Variants in WDR20 observed in about 807,000 individuals in gnomAD.
WDR20 encodes WD repeat-containing protein 20.
In WDR20, 3 loss-of-function variants were observed where a neutral mutation model predicts 38.7. That is an observed-to-expected ratio of 0.08 (90% CI 0.04 to 0.20). The LOEUF (loss-of-function observed/expected upper bound fraction) is 0.20, where lower values mean the gene tolerates loss of function less well. WDR20 is among the 10% of genes least tolerant of loss of function. WDR20 has a pLI of 1.00. For synonymous variants in WDR20, 298 were observed against 285.6 expected (o/e 1.04, Z -0.44); for missense variants, 559 against 727.7 (o/e 0.77, Z 2.67).
chr14:102,214,144 C>T (rs1304603358), downstream of WDR20: 4 of 985,486 alleles, frequency 4.1e-6, no homozygotes, highest in Admixed American at 6.1e-5. Flanking sequence ...CCTCCACATG[C>T]GTGGGTAGGG....
chr14:102,139,743 C>T, upstream of WDR20: 3 of 912,554 alleles, frequency 3.3e-6, no homozygotes, highest in Non-Finnish European at 4.8e-6. Flanking sequence ...AGCACGCCTG[C>T]GCAGTCGGGC....
At chr14:102,202,742 ATATT>A (rs1228352421) in intron 2 of WDR20, among the ~76,000 whole-genome samples, 1 of 149,684 alleles carries the variant, frequency 6.7e-6, no homozygotes, top group African/African-American at 2.5e-5. Flanking sequence ...TTCCTTGGAG[ATATT>A]TATTTATTTA....
intron 1 of WDR20, among the ~76,000 whole-genome samples, chr14:102,140,668 C>T (rs2050663474): frequency 6.6e-6 from 1 of 152,136 alleles, no homozygotes; most frequent in Non-Finnish European, 1.5e-5. Flanking sequence ...CAGAAAGAAC[C>T]TGCTCGGCAC....
chr14:102,144,137 A>C (rs1487019246), intron 1 of WDR20, among the ~76,000 whole-genome samples: 1 of 152,106 alleles, frequency 6.6e-6, no homozygotes, highest in African/African-American at 2.4e-5. Context: ...TGATTGTGCC[A>C]CTGTACCCCA....
chr14:102,151,518 C>A lies in WDR20; in HGVS notation c.249+11346C>A, dbSNP rs112669491. Among the ~76,000 whole-genome samples the A allele has an allele frequency of 8.1e-3, 1,227 of 151,634 alleles. 7 individuals are homozygous for A. The highest frequency in any genetic ancestry group is 0.014 in the Middle Eastern group (4 of 294). Reference sequence around the variant, plus strand: ...TGAAGCCATCCTCCCACCTTAGCCTCCCATGTAGCTGGGACTACAGGTGTG... The same window carrying A: ...TGAAGCCATCCTCCCACCTTAGCCTACCATGTAGCTGGGACTACAGGTGTG... On this transcript the variant is annotated intron_variant, in intron 1 of 2. Coordinates refer to ENST00000342702, the MANE Select transcript of WDR20 (RefSeq NM_144574.4).
intron 1 of WDR20, among the ~76,000 whole-genome samples, chr14:102,190,286 G>T (rs1327420827): frequency 1.3e-5 from 2 of 152,164 alleles, no homozygotes; most frequent in East Asian, 1.9e-4. Flanking sequence ...TAGGCCAGGC[G>T]CAGTGGCTCA....
intron 1 of WDR20, among the ~76,000 whole-genome samples, chr14:102,191,752 T>C (rs1203178290): frequency 1.3e-5 from 2 of 152,086 alleles, no homozygotes; most frequent in African/African-American, 4.8e-5. Flanking sequence ...TGGAAAGGGA[T>C]TGGGGAGGGA....
chr14:102,193,064 G>A (rs998684747), intron 1 of WDR20, among the ~76,000 whole-genome samples: 3 of 149,162 alleles, frequency 2.0e-5, no homozygotes, highest in Admixed American at 6.7e-5. Context: ...TTAATTGTTC[G>A]TATTTCAAAT....
At chr14:102,162,985 T>C (rs1313931921) in intron 1 of WDR20, among the ~76,000 whole-genome samples, 2 of 152,168 alleles carry the variant, frequency 1.3e-5, no homozygotes, top group Non-Finnish European at 2.9e-5. Flanking sequence ...AGACAGAGGC[T>C]TGCTAGCCCT....
chr14:102,205,773 C>T (rs996758687), intron 2 of WDR20, among the ~76,000 whole-genome samples: 22 of 151,780 alleles, frequency 1.4e-4, no homozygotes, highest in Admixed American at 1.2e-3. Flanking sequence ...AGTGAGAAAC[C>T]CTTACCACAA....
chr14:102,193,636 A>G, intron 1 of WDR20: 1 of 859,124 alleles, frequency 1.2e-6, no homozygotes, highest in Non-Finnish European at 1.7e-6. Flanking sequence ...GTTTGCTCAA[A>G]GACGCCTGTA....
intron 1 of WDR20, among the ~76,000 whole-genome samples, chr14:102,179,965 C>A (rs1197042704): frequency 3.3e-5 from 5 of 152,074 alleles, no homozygotes; most frequent in Non-Finnish European, 7.4e-5. Flanking sequence ...CCAGCCTGAC[C>A]AACATGGTGA....
chr14:102,162,860 C>T (rs937722309), intron 1 of WDR20, among the ~76,000 whole-genome samples: 18 of 152,140 alleles, frequency 1.2e-4, no homozygotes, highest in African/African-American at 4.1e-4. Context: ...TATCTGCCTG[C>T]CTCAGCCTCC....
Position 102,153,652 on chromosome 14 carries a change from A to T in WDR20, c.249+13480A>T, listed in dbSNP as rs533672717. On this transcript the variant is annotated intron_variant, in intron 1 of 2. Coordinates refer to ENST00000342702, the MANE Select transcript of WDR20 (RefSeq NM_144574.4). ...CCAGTCTCAGGTATTTCCTTGTAGC[A>T]ATGGAAGAACAGCCTAATACACTGC... Among the ~76,000 whole-genome samples, 78 of 152,266 alleles carry T rather than the reference A, an allele frequency of 5.1e-4. No individual in the cohort carries two copies. The Middle Eastern group carries it at 0.014, about 27-fold the overall frequency.
intron 1 of WDR20, among the ~76,000 whole-genome samples, chr14:102,175,976 A>G (rs974546691): frequency 6.6e-6 from 1 of 152,166 alleles, no homozygotes; most frequent in African/African-American, 2.4e-5. Flanking sequence ...TTTTCTAGGT[A>G]TATGATTATA....
downstream of WDR20, chr14:102,210,652 C>A: frequency 1.9e-6 from 1 of 534,830 alleles, no homozygotes; most frequent in Non-Finnish European, 2.4e-6. Context: ...CCTCTTGCCA[C>A]ATAAGCGAAG....
intron 1 of WDR20, among the ~76,000 whole-genome samples, chr14:102,185,554 G>A (rs1235433411): frequency 1.3e-5 from 2 of 152,064 alleles, no homozygotes; most frequent in Non-Finnish European, 2.9e-5. Context: ...TCCTCTGGGC[G>A]GCTGATTCTA....
At chr14:102,146,043 T>C (rs900892745) in intron 1 of WDR20, among the ~76,000 whole-genome samples, 6 of 152,094 alleles carry the variant, frequency 3.9e-5, no homozygotes, top group African/African-American at 1.4e-4. Context: ...GGAGGTATCT[T>C]CATCTCTTTG....
At chr14:102,188,059 T>C (rs945875993) in intron 1 of WDR20, among the ~76,000 whole-genome samples, 6 of 152,150 alleles carry the variant, frequency 3.9e-5, no homozygotes, top group African/African-American at 1.4e-4. Flanking sequence ...GATGTGAAAT[T>C]TAGGGAAAAT....
Sources: gnomAD v4.1 joint callset for allele counts (sites outside exome capture counted in the v4.1 genomes callset) on GRCh38, gnomAD v4.1.1 for gene constraint, MANE v1.5 for transcripts, NCBI Gene and HGNC (gene_info 2026-07-23, HGNC 2026-07-21) for gene names.